The following STXBP6 variants were observed in gnomAD, a reference collection of about 807,000 sequenced individuals.
STXBP6 encodes the protein syntaxin-binding protein 6.
STXBP6 carries 21 observed loss-of-function variants against 26.9 expected under a neutral mutation model. The ratio of observed to expected loss-of-function variants is 0.78; its 90% confidence interval spans 0.55 to 1.12. STXBP6 has a LOEUF of 1.12. Ranked by LOEUF, STXBP6 falls within the 50% of genes most tolerant of loss-of-function variation. STXBP6 has a pLI of 0.00. For synonymous variants in STXBP6, 97 were observed against 92.6 expected, an observed-to-expected ratio of 1.05 and a Z score of -0.27; for missense variants, 232 against 257.9, an observed-to-expected ratio of 0.90 and a Z score of 0.69.
intron 2 of STXBP6, among the ~76,000 whole-genome samples, chr14:24,937,513 A>G (rs915952639): frequency 6.6e-6 from 1 of 152,222 alleles, no homozygotes; most frequent in Admixed American, 6.5e-5. Flanking sequence ...GTTATGCCCA[A>G]TCTGCACAGG....
intron 2 of STXBP6, among the ~76,000 whole-genome samples, chr14:24,898,429 A>G (rs1489635606): frequency 6.6e-6 from 1 of 152,196 alleles, no homozygotes; most frequent in Non-Finnish European, 1.5e-5. Context: ...CTGTAATCCC[A>G]GCACTTTGGG....
chr14:24,985,797 C>T (rs2074315809), intron 1 of STXBP6, among the ~76,000 whole-genome samples: 1 of 152,198 alleles, frequency 6.6e-6, no homozygotes, highest in Non-Finnish European at 1.5e-5. Flanking sequence ...AGTGTGGGCA[C>T]AGCAGAAATG....
chr14:24,848,606 T>C (rs2069042787), intron 4 of STXBP6, among the ~76,000 whole-genome samples: 1 of 152,000 alleles, frequency 6.6e-6, no homozygotes, highest in Admixed American at 6.6e-5. Flanking sequence ...ACAAAGCCAC[T>C]CCCAGCTCAG....
chr14:24,881,890 G>T (rs1306103460), intron 2 of STXBP6, among the ~76,000 whole-genome samples: 1 of 152,194 alleles, frequency 6.6e-6, no homozygotes, highest in Non-Finnish European at 1.5e-5. Flanking sequence ...CTCTATGAAT[G>T]GGGAAGATCT....
intron 2 of STXBP6, among the ~76,000 whole-genome samples, chr14:24,943,059 AG>A (rs1260135904): frequency 1.3e-5 from 2 of 152,212 alleles, no homozygotes; most frequent in Non-Finnish European, 2.9e-5. Context: ...GTTGGCTGAC[AG>A]GGTTAGCATC....
chr14:24,874,242 G>T (rs1217234570), intron 2 of STXBP6, among the ~76,000 whole-genome samples: 1 of 152,120 alleles, frequency 6.6e-6, no homozygotes, highest in Non-Finnish European at 1.5e-5. Flanking sequence ...TGTGGGGAGG[G>T]CATCCCTATT....
chr14:24,999,518 A>G (rs1395306866), intron 1 of STXBP6, among the ~76,000 whole-genome samples: 1 of 152,250 alleles, frequency 6.6e-6, no homozygotes, highest in Non-Finnish European at 1.5e-5. Flanking sequence ...AGAAGCTCAC[A>G]GATGGGCTAT....
chr14:24,818,913 T>C, intron 5 of STXBP6, 124 bp downstream of exon 5: 5 of 1,304,926 alleles, frequency 3.8e-6, no homozygotes, highest in Non-Finnish European at 5.1e-6. Flanking sequence ...AGATGGGAAT[T>C]ACATAAAGGG....
At chr14:25,026,456 T>C (rs908699081) in intron 1 of STXBP6, among the ~76,000 whole-genome samples, 13 of 152,160 alleles carry the variant, frequency 8.5e-5, no homozygotes, top group African/African-American at 3.1e-4. Flanking sequence ...CCAAGTAGGA[T>C]CTAGGTCAGC....
chr14:24,824,680 T>A (rs1313160905), intron 4 of STXBP6, among the ~76,000 whole-genome samples: 1 of 152,224 alleles, frequency 6.6e-6, no homozygotes, highest in Admixed American at 6.5e-5. Flanking sequence ...TGATAATGAC[T>A]AACCAGAAAA....
chr14:24,974,599 T>C, intron 2 of STXBP6, 66 bp downstream of exon 2: 2 of 1,396,672 alleles, frequency 1.4e-6, no homozygotes, highest in Non-Finnish European at 1.9e-6. Flanking sequence ...ACCTCCTGGA[T>C]ACCTCAGAAT....
At chr14:24,866,345 T>C (rs2069720391) in intron 2 of STXBP6, among the ~76,000 whole-genome samples, 1 of 146,336 alleles carries the variant, frequency 6.8e-6, no homozygotes, top group Non-Finnish European at 1.5e-5. Flanking sequence ...AAATCTCTTT[T>C]ATATATATGT....
intron 2 of STXBP6, among the ~76,000 whole-genome samples, chr14:24,864,771 G>A (rs367957436): frequency 2.6e-5 from 4 of 152,170 alleles, no homozygotes; most frequent in African/African-American, 9.6e-5. Flanking sequence ...TATAATTACC[G>A]CTATCAGTCA....
chr14:24,866,591 G>GT (rs1406410492), intron 2 of STXBP6, among the ~76,000 whole-genome samples: 1 of 151,932 alleles, frequency 6.6e-6, no homozygotes, highest in Non-Finnish European at 1.5e-5. Context: ...ACCAAGAAGT[G>GT]TAAGACTTGT....
In STXBP6 at chr14:24,919,914, A is replaced by G. The variant is rs935831984; in HGVS notation, c.154+54751T>C. ...AATAAAGAGAGAAACAGCTACACAG[A>G]GACAAGTTAGGTCAAATTGAAAATG... On this transcript the variant is annotated intron_variant, in intron 2 of 5. Coordinates refer to ENST00000323944, the MANE Select transcript of STXBP6 (RefSeq NM_001394410.1). Among the ~76,000 whole-genome samples, 5 of 152,176 alleles carry G rather than the reference A, an allele frequency of 3.3e-5. No homozygotes were observed. In the South Asian group the frequency reaches 1.0e-3, roughly 32 times the overall value.
In STXBP6 at chr14:24,809,788, C is replaced by G. The variant is rs956011971; in HGVS notation, c.*2921G>C. 6.6e-6 allele frequency: 1 copy of G among 152,172 alleles called. No homozygotes were observed. Among genetic ancestry groups the G allele is most frequent in the African/African-American group, 2.4e-5 (1 of 41,448 alleles). The allele number at this position is 152,172 out of a possible 1,614,324, so 9.4% of individuals were successfully genotyped here. On this transcript the variant is annotated 3_prime_UTR_variant, in exon 6 of 6. Transcript: ENST00000323944. ...ATCTCAGAGAACTTCTGAAGAATAA[C>G]TGTATGACAGACATCAGTAGTGTCA...
chr14:24,825,604 T>C (rs1159194390), intron 4 of STXBP6, among the ~76,000 whole-genome samples: 2 of 152,208 alleles, frequency 1.3e-5, no homozygotes, highest in African/African-American at 4.8e-5. Context: ...TCTTTTGGCA[T>C]TGTGAAGGTA....
intron 4 of STXBP6, 41 bp downstream of exon 4, chr14:24,855,895 A>G: frequency 6.5e-7 from 1 of 1,549,894 alleles, no homozygotes; most frequent in Non-Finnish European, 8.7e-7. Flanking sequence ...AAGTGAGTCT[A>G]AAGAAACAGG....
intron 2 of STXBP6, among the ~76,000 whole-genome samples, chr14:24,870,730 A>T (rs1229738139): frequency 6.6e-6 from 1 of 152,152 alleles, no homozygotes; most frequent in African/African-American, 2.4e-5. Context: ...TCATGTTCAA[A>T]TTGTCCTGGT....
Sources: gnomAD v4.1 joint callset for allele counts (sites outside exome capture counted in the v4.1 genomes callset) on GRCh38, gnomAD v4.1.1 for gene constraint, MANE v1.5 for transcripts, NCBI Gene and HGNC (gene_info 2026-07-23, HGNC 2026-07-21) for gene names.